NEXMIF: variants seen among roughly 807,000 people sequenced by gnomAD.
NEXMIF encodes the protein XLMR protein related to neurite extension.
Under a neutral mutation model 62.1 loss-of-function variants are expected in NEXMIF, and 8 were observed. That is an observed-to-expected ratio of 0.13 (90% CI 0.08 to 0.23). NEXMIF has a LOEUF of 0.23. Ranked by LOEUF, NEXMIF falls within the 10% of genes least tolerant of loss-of-function variation. The probability of loss-of-function intolerance (pLI) is 1.00; values close to 1 mark genes in which losing one functional copy is unlikely to be tolerated. For synonymous variants in NEXMIF, 404 were observed against 416.6 expected (o/e 0.97, Z 0.37); for missense variants, 976 against 1,113.3 (o/e 0.88, Z 1.75).
chrX:74,796,134 AT>A (rs1569345074), intron 1 of NEXMIF, among the ~76,000 whole-genome samples: 6 of 73,106 alleles, frequency 8.2e-5, no homozygotes, highest in African/African-American at 3.1e-4. Flanking sequence ...TTTATATATA[AT>A]ATATATATTA....
chrX:74,873,196 T>A (rs1428670387), intron 1 of NEXMIF, among the ~76,000 whole-genome samples: 1 of 109,412 alleles, frequency 9.1e-6, no homozygotes, highest in East Asian at 2.9e-4. Context: ...AGTGTCCATG[T>A]GTTCTCATTG....
At chrX:74,876,445 T>C (rs1161302552) in intron 1 of NEXMIF, among the ~76,000 whole-genome samples, 1 of 111,410 alleles carries the variant, frequency 9.0e-6, no homozygotes, top group East Asian at 2.8e-4. Flanking sequence ...TGTAGTGTGG[T>C]GCTGAAAAAA....
At chrX:74,789,742 T>C (rs1212627278) in intron 1 of NEXMIF, among the ~76,000 whole-genome samples, 1 of 109,982 alleles carries the variant, frequency 9.1e-6, no homozygotes, top group African/African-American at 3.3e-5. Context: ...TGAGCATTTT[T>C]TCATGTGTTT....
At chrX:74,846,869 C>T (rs777378206) in intron 1 of NEXMIF, among the ~76,000 whole-genome samples, 1 of 112,061 alleles carries the variant, frequency 8.9e-6, no homozygotes, top group Admixed American at 9.5e-5. Context: ...AAGCTCTTTT[C>T]CTCAGAACTG....
chrX:74,827,517 T>C (rs1298811712), intron 1 of NEXMIF, among the ~76,000 whole-genome samples: 1 of 112,459 alleles, frequency 8.9e-6, no homozygotes. Flanking sequence ...TCTACCATGA[T>C]GCCTTAGTTT....
At chrX:74,751,623 C>CCCTTCCTTCCTTCCTTCCTTCCTTCCTT (rs781068385) in intron 1 of NEXMIF, among the ~76,000 whole-genome samples, 4 of 87,316 alleles carry the variant, frequency 4.6e-5, no homozygotes, top group African/African-American at 1.9e-4. Context: ...TACCATCACG[C>CCCTTCCTTCCTTCCTTCCTTCCTTCCTT]CCTTCCTTCC....
At chrX:74,833,684 T>C (rs918456556) in intron 1 of NEXMIF, among the ~76,000 whole-genome samples, 1 of 111,379 alleles carries the variant, frequency 9.0e-6, no homozygotes, top group Non-Finnish European at 1.9e-5. Context: ...TTAGTAAAGG[T>C]GATTTTCTCT....
chrX:74,789,105 C>T lies in NEXMIF; in HGVS notation c.-47-43408G>A, dbSNP rs771962450. 4.0e-3 allele frequency among the ~76,000 whole-genome samples: 418 copies of T among 103,301 alleles called. 3 individuals carry two copies. Among genetic ancestry groups the T allele is most frequent in the Middle Eastern group, 0.01 (2 of 200 alleles). 89.7% of individuals were successfully genotyped at this position (103,301 alleles called of 115,157 possible). Reference sequence around the variant, plus strand: ...ACTCATCATCTAGCATTAGGTATATCTCCCAATGCTATCCCTCCCCCTCCC... The same window carrying T: ...ACTCATCATCTAGCATTAGGTATATTTCCCAATGCTATCCCTCCCCCTCCC... On this transcript the variant is annotated intron_variant, in intron 1 of 3. Coordinates refer to ENST00000055682, the MANE Select transcript of NEXMIF (RefSeq NM_001008537.3).
intron 1 of NEXMIF, among the ~76,000 whole-genome samples, chrX:74,877,087 T>C (rs1036055142): frequency 8.9e-6 from 1 of 111,794 alleles, no homozygotes; most frequent in Non-Finnish European, 1.9e-5. Flanking sequence ...TTCCTAGTCT[T>C]GATGGTCTTT....
chrX:74,853,605 A>C (rs2080523649), intron 1 of NEXMIF, among the ~76,000 whole-genome samples: 1 of 110,669 alleles, frequency 9.0e-6, no homozygotes, highest in Non-Finnish European at 1.9e-5. Context: ...TGGTTTGGGG[A>C]CTGCTTTTTA....
chrX:74,754,556 C>G (rs192338273), intron 1 of NEXMIF, among the ~76,000 whole-genome samples: 33 of 110,078 alleles, frequency 3.0e-4, no homozygotes, highest in Middle Eastern at 4.7e-3. Context: ...ATCCACCCAC[C>G]TCGGCCTCCC....
chrX:74,841,754 T>C (rs1369183689), intron 1 of NEXMIF, among the ~76,000 whole-genome samples: 1 of 112,233 alleles, frequency 8.9e-6, no homozygotes, highest in Non-Finnish European at 1.9e-5. Context: ...GTTTTGTTTT[T>C]AGTTCTGTTT....
In NEXMIF at chrX:74,901,588, G is replaced by C. The variant is rs749837909; in HGVS notation, c.-48+23295C>G. Among the ~76,000 whole-genome samples, 285 of 87,313 alleles carry C rather than the reference G, an allele frequency of 3.3e-3. 1 individual carries two copies. The highest frequency in any genetic ancestry group is 0.012 in the African/African-American group (268 of 21,970). The allele number at this position is 87,313 out of a possible 115,157, so 75.8% of individuals were successfully genotyped here. A position where few individuals can be genotyped will look rare whatever the true frequency, so the allele number is the denominator to read the frequency against. On this transcript the variant is annotated intron_variant, in intron 1 of 3. Transcript: ENST00000055682. ...AGTGTTACATGTGCAATTTACTACTGAGGCATGCGCTGTTTTATGCCTTGC... is the reference window on the plus strand; with the variant it reads ...AGTGTTACATGTGCAATTTACTACTCAGGCATGCGCTGTTTTATGCCTTGC...
rs771743047 is a variant in NEXMIF, at chrX:74,796,939, T to C, written c.-47-51242A>G. On this transcript the variant is annotated intron_variant, in intron 1 of 3. Transcript: ENST00000055682. ...GTAGTTGCTTTACACTGCAAAAACA[T>C]GGCAAACACAACCTTAACCAAATGA... Among the ~76,000 whole-genome samples the C allele has an allele frequency of 3.5e-4, 39 of 111,945 alleles. 1 individual carries two copies. The highest frequency in any genetic ancestry group is 1.7e-3 in the Admixed American group (18 of 10,521).
rs1432390910 is a variant in NEXMIF at position 74,735,181 on chromosome X, G to A, written c.*4224C>T. The A allele has an allele frequency of 9.0e-6, 1 of 111,493 alleles. No homozygotes were observed. Among genetic ancestry groups the A allele is most frequent in the East Asian group, 2.8e-4 (1 of 3,568 alleles). 9.2% of individuals were successfully genotyped at this position (111,493 alleles called of 1,213,427 possible). ...TTAAAAAAATCCCTAAATGAAAATGGTTACTCCTTAAATTAGATAATTTCT... is the reference window on the plus strand; with the variant it reads ...TTAAAAAAATCCCTAAATGAAAATGATTACTCCTTAAATTAGATAATTTCT... On this transcript the variant is annotated 3_prime_UTR_variant, in exon 4 of 4. Transcript: ENST00000055682.
chrX:74,886,303 A>T (rs1251391269), intron 1 of NEXMIF, among the ~76,000 whole-genome samples: 1 of 111,742 alleles, frequency 8.9e-6, no homozygotes, highest in South Asian at 3.8e-4. Flanking sequence ...GGCTAGGGCA[A>T]TGAGGCAGGA....
chrX:74,915,834 TG>T (rs2080804709), intron 1 of NEXMIF, among the ~76,000 whole-genome samples: 1 of 111,089 alleles, frequency 9.0e-6, no homozygotes, highest in Admixed American at 9.6e-5. Context: ...AGCAAGAAAA[TG>T]GAGTCTCCAC....
At chrX:74,894,782 C>T (rs1382961866) in intron 1 of NEXMIF, among the ~76,000 whole-genome samples, 1 of 112,170 alleles carries the variant, frequency 8.9e-6, no homozygotes, top group Non-Finnish European at 1.9e-5. Flanking sequence ...TGATAAAATT[C>T]AACATTCCTT....
chrX:74,892,069 T>C (rs945422706), intron 1 of NEXMIF, among the ~76,000 whole-genome samples: 25 of 112,497 alleles, frequency 2.2e-4, no homozygotes, highest in African/African-American at 8.1e-4. Context: ...TCTCAGAAAT[T>C]CTATGAAGCA....
Sources: allele counts gnomAD v4.1 joint callset (sites outside exome capture counted in the v4.1 genomes callset), GRCh38; gene constraint gnomAD v4.1.1; transcripts MANE v1.5; gene names NCBI Gene and HGNC (gene_info 2026-07-23, HGNC 2026-07-21).